Variants in CADPS2 observed in about 807,000 individuals in gnomAD.
CADPS2 encodes calcium-dependent secretion activator 2.
In CADPS2, 93 loss-of-function variants were observed where a neutral mutation model predicts 172.5. That is an observed-to-expected ratio of 0.54 (90% CI 0.46 to 0.64). The LOEUF (loss-of-function observed/expected upper bound fraction) is 0.64. Ranked by LOEUF, CADPS2 falls within the 30% of genes least tolerant of loss-of-function variation. The pLI, the probability that CADPS2 is intolerant of heterozygous loss-of-function variation, is 0.00. For missense variants in CADPS2, 1,420 were observed against 1,565.9 expected (o/e 0.91, Z 1.57); for synonymous variants, 546 against 555.2 (o/e 0.98, Z 0.23).
At chr7:122,478,881 T>A (rs1044397130) in intron 12 of CADPS2, among the ~76,000 whole-genome samples, 11 of 152,150 alleles carry the variant, frequency 7.2e-5, no homozygotes, top group Non-Finnish European at 1.6e-4. Flanking sequence ...TAAACACACG[T>A]GTGCATGTGT....
At chr7:122,749,582 A>C (rs2092862294) in intron 1 of CADPS2, among the ~76,000 whole-genome samples, 1 of 152,148 alleles carries the variant, frequency 6.6e-6, no homozygotes, top group Non-Finnish European at 1.5e-5. Flanking sequence ...AAGTAAATTA[A>C]ATTATATTGA....
intron 5 of CADPS2, among the ~76,000 whole-genome samples, chr7:122,618,503 G>A (rs751735236): frequency 2.0e-5 from 3 of 152,104 alleles, no homozygotes; most frequent in Non-Finnish European, 4.4e-5. Context: ...AGGGTATGGT[G>A]GGAGAAGGGA....
chr7:122,771,402 A>G (rs1341746845), intron 1 of CADPS2, among the ~76,000 whole-genome samples: 1 of 152,176 alleles, frequency 6.6e-6, no homozygotes, highest in African/African-American at 2.4e-5. Flanking sequence ...TGCTACTATA[A>G]TTTGGCTATG....
chr7:122,513,542 C>T (rs1341768435), intron 8 of CADPS2, among the ~76,000 whole-genome samples: 2 of 152,164 alleles, frequency 1.3e-5, no homozygotes, highest in African/African-American at 4.8e-5. Flanking sequence ...ATTTGTCAGT[C>T]CTTACCACAA....
intron 19 of CADPS2, chr7:122,413,129 G>C (rs569449874): frequency 1.9e-4 from 29 of 152,468 alleles, no homozygotes; most frequent in African/African-American, 6.7e-4. Flanking sequence ...CAGCAAAATG[G>C]TGTGTGTGGA....
intron 25 of CADPS2, among the ~76,000 whole-genome samples, chr7:122,372,384 G>C (rs563642292): frequency 1.3e-5 from 2 of 152,156 alleles, no homozygotes; most frequent in African/African-American, 2.4e-5. Flanking sequence ...GGAGAGAGAA[G>C]GGCACAGAGA....
intron 1 of CADPS2, among the ~76,000 whole-genome samples, chr7:122,858,152 A>G (rs1815845889): frequency 6.6e-6 from 1 of 152,046 alleles, no homozygotes; most frequent in African/African-American, 2.4e-5. Context: ...TCCATTTTAC[A>G]TAGTGCCAAT....
chr7:122,562,543 C>T (rs1229158299), intron 7 of CADPS2, among the ~76,000 whole-genome samples: 2 of 152,128 alleles, frequency 1.3e-5, no homozygotes, highest in Non-Finnish European at 2.9e-5. Context: ...GAACTTCTGA[C>T]TTCAGAACTA....
intron 7 of CADPS2, among the ~76,000 whole-genome samples, chr7:122,563,990 T>C (rs796235901): frequency 4.6e-5 from 7 of 152,248 alleles, no homozygotes; most frequent in African/African-American, 1.4e-4. Context: ...ATTTTGGATA[T>C]CAAATTTTTG....
chr7:122,439,708 T>G (rs2151951702), intron 16 of CADPS2, among the ~76,000 whole-genome samples: 1 of 152,322 alleles, frequency 6.6e-6, no homozygotes, highest in Non-Finnish European at 1.5e-5. Flanking sequence ...TATTTAGCAC[T>G]TTAATTAGCA....
At chr7:122,423,110 A>G (rs549087061) in intron 17 of CADPS2, among the ~76,000 whole-genome samples, 1 of 152,190 alleles carries the variant, frequency 6.6e-6, no homozygotes, top group East Asian at 1.9e-4. Context: ...CATAGTACAG[A>G]CTGATGACTC....
intron 17 of CADPS2, chr7:122,424,410 A>G (rs2048895911): frequency 1.3e-6 from 1 of 761,610 alleles, no homozygotes; most frequent in Non-Finnish European, 1.6e-6. Flanking sequence ...TAGAGTATAG[A>G]CCAATGACAG....
chr7:122,635,801 A>G (rs2077015294), intron 3 of CADPS2, among the ~76,000 whole-genome samples: 1 of 152,186 alleles, frequency 6.6e-6, no homozygotes, highest in South Asian at 2.1e-4. Flanking sequence ...GGATGTGTAT[A>G]TATTTAGGAT....
intron 28 of CADPS2, among the ~76,000 whole-genome samples, chr7:122,338,746 T>C (rs2150910468): frequency 6.6e-6 from 1 of 152,234 alleles, no homozygotes; most frequent in East Asian, 1.9e-4. Context: ...AAAACTGACA[T>C]TCACATATAA....
chr7:122,692,553 C>T (rs73220285), intron 2 of CADPS2, among the ~76,000 whole-genome samples: 10,088 of 152,272 alleles, frequency 0.066, 382 homozygotes, highest in South Asian at 0.17. Flanking sequence ...CTGGGGCCCA[C>T]CCAGGCAGCA....
chr7:122,642,940 A>G (rs2077844426), intron 3 of CADPS2, among the ~76,000 whole-genome samples: 1 of 152,154 alleles, frequency 6.6e-6, no homozygotes, highest in Non-Finnish European at 1.5e-5. Context: ...GTTTTCTTAT[A>G]ATATTTATCT....
intron 7 of CADPS2, among the ~76,000 whole-genome samples, chr7:122,570,965 A>C (rs1034291687): frequency 2.0e-5 from 3 of 152,112 alleles, no homozygotes; most frequent in Non-Finnish European, 4.4e-5. Context: ...GCACACCAGC[A>C]TGGCACATGT....
intron 19 of CADPS2, among the ~76,000 whole-genome samples, chr7:122,408,812 T>C (rs1336039674): frequency 1.3e-5 from 2 of 152,196 alleles, no homozygotes; most frequent in East Asian, 1.9e-4. Context: ...TCTTAAGAAC[T>C]TTCCATGTTT....
At chr7:122,658,082 T>G (rs907756989) in intron 3 of CADPS2, among the ~76,000 whole-genome samples, 8 of 152,062 alleles carry the variant, frequency 5.3e-5, no homozygotes, top group South Asian at 4.1e-4. Context: ...GGGCAAAGGA[T>G]ATGAACAGAC....
Sources: allele counts gnomAD v4.1 joint callset (sites outside exome capture counted in the v4.1 genomes callset), GRCh38; gene constraint gnomAD v4.1.1; transcripts MANE v1.5; gene names NCBI Gene and HGNC (gene_info 2026-07-23, HGNC 2026-07-21).